Variants in MMP8 observed in about 807,000 individuals in gnomAD.
MMP8 encodes the protein neutrophil collagenase.
A neutral mutation model predicts 51.2 loss-of-function variants in MMP8; 67 were observed. The observed-to-expected ratio is 1.31, with a 90% confidence interval of 1.08 to 1.60. MMP8 has a LOEUF of 1.60. Ranked by LOEUF, MMP8 falls within the 40% of genes most tolerant of loss-of-function variation. The pLI, the probability that MMP8 is intolerant of heterozygous loss-of-function variation, is 0.00. For missense variants in MMP8, 654 were observed against 558.1 expected (o/e 1.17, Z -1.73); for synonymous variants, 225 against 191.0 (o/e 1.18, Z -1.47).
intron 8 of MMP8, 72 bp from the exon 9 acceptor site, chr11:102,713,929 T>A: frequency 9.5e-7 from 1 of 1,049,826 alleles, no homozygotes; most frequent in Non-Finnish European, 1.4e-6. Context: ...TTTTATTGTA[T>A]ATAATTTACA....
intron 8 of MMP8, among the ~76,000 whole-genome samples, chr11:102,714,241 A>C (rs1861213883): frequency 1.3e-5 from 2 of 152,228 alleles, no homozygotes; most frequent in African/African-American, 2.4e-5. Context: ...ATTTGCTTGC[A>C]TATGTCTGAG....
In MMP8 at chr11:102,722,553, T is replaced by C; in HGVS notation, c.223A>G (p.Thr75Ala). The C allele has an allele frequency of 6.2e-7, 1 of 1,613,970 alleles. No homozygotes were observed. The highest frequency in any genetic ancestry group is 8.5e-7 in the Non-Finnish European group (1 of 1,179,844). Reference protein sequence around the residue: ...EMQRFFGLNVTGKPNEETLDM... With the variant: ...EMQRFFGLNVAGKPNEETLDM... Reference sequence around the variant, plus strand: ...AGAGTTTCCTCATTTGGCTTCCCCGTCACATTCAACCCAAAAAATCGCTGC... The same window carrying C: ...AGAGTTTCCTCATTTGGCTTCCCCGCCACATTCAACCCAAAAAATCGCTGC... Residue 75 changes from threonine to alanine, a missense_variant, in exon 2 of 10, where the codon ACG (threonine) becomes GCG (alanine). Physicochemically the swap from Thr to Ala is moderately conservative, Grantham distance 58. Transcript: ENST00000236826.
chr11:102,721,399 A>G lies in MMP8; in HGVS notation c.622+2T>C. On this transcript the variant is annotated splice_donor_variant, in intron 4 of 9. Coordinates refer to ENST00000236826, the MANE Select transcript of MMP8 (RefSeq NM_002424.3). LOFTEE classifies it high-confidence loss of function. ...GTGTGGACATAATCTTGATTAACTT[A>G]CTTGCGGAGGTGTTGGTCCATGTTT... The G allele has an allele frequency of 6.2e-7, 1 of 1,613,538 alleles. No individual in the cohort carries two copies. Among genetic ancestry groups the G allele is most frequent in the East Asian group, 2.2e-5 (1 of 44,872 alleles).
At chr11:102,714,503 A>G in intron 8 of MMP8, 53 bp downstream of exon 8, 8 of 1,239,642 alleles carry the variant, frequency 6.5e-6, no homozygotes, top group Admixed American at 3.1e-5. Context: ...GTTTGTAAGC[A>G]GGGTAGAGAA....
chr11:102,717,859 C>A (rs529814843), intron 5 of MMP8, among the ~76,000 whole-genome samples: 1 of 152,168 alleles, frequency 6.6e-6, no homozygotes, highest in African/African-American at 2.4e-5. Flanking sequence ...GTAATCCCAG[C>A]ATTTTGGGAG....
chr11:102,714,505 G>A, intron 8 of MMP8, 51 bp downstream of exon 8: 3 of 1,264,866 alleles, frequency 2.4e-6, no homozygotes, highest in Non-Finnish European at 3.1e-6. Flanking sequence ...TTGTAAGCAG[G>A]GTAGAGAAAC....
At position 102,722,692 on chromosome 11, in the gene MMP8, A is replaced by G; in HGVS notation, c.103-19T>C. ...GGTAGTCCTGGACAAAGACAAGCAC[A>G]TAGGGGTCTTGCTGTGAAAGGACCT... On this transcript the variant is annotated intron_variant, in intron 1 of 9. Coordinates refer to ENST00000236826, the MANE Select transcript of MMP8 (RefSeq NM_002424.3). 6.2e-7 allele frequency: 1 copy of G among 1,611,552 alleles called. No homozygotes were observed. Among genetic ancestry groups the G allele is most frequent in the Non-Finnish European group, 8.5e-7 (1 of 1,178,176 alleles).
At position 102,718,870 on chromosome 11, in the gene MMP8, A is replaced by G. The variant is rs961522009; in HGVS notation, c.623-295T>C. On this transcript the variant is annotated intron_variant, in intron 4 of 9. Transcript: ENST00000236826. ...CAAATGTGCATCTGAGACTTGGAGA[A>G]GTAATGGCAGAGCCGTCATGACTTT... Among the ~76,000 whole-genome samples, 3 of 152,218 alleles carry G rather than the reference A, an allele frequency of 2.0e-5. No individual in the cohort carries two copies. The South Asian group carries it at 6.2e-4, about 31-fold the overall frequency.
intron 6 of MMP8, among the ~76,000 whole-genome samples, chr11:102,715,976 A>G (rs1004644711): frequency 1.3e-5 from 2 of 151,772 alleles, no homozygotes; most frequent in African/African-American, 2.4e-5. Flanking sequence ...GTCTGTTTAC[A>G]TCACCAAAGG....
chr11:102,720,810 A>G (rs919933323), intron 4 of MMP8, among the ~76,000 whole-genome samples: 1 of 152,104 alleles, frequency 6.6e-6, no homozygotes, highest in Non-Finnish European at 1.5e-5. Flanking sequence ...CTAATTATAG[A>G]AATTATAATT....
At position 102,713,305 on chromosome 11, in the gene MMP8, C is replaced by A. The variant is rs2134289970; in HGVS notation, c.*43G>T. On this transcript the variant is annotated 3_prime_UTR_variant, in exon 10 of 10. Coordinates refer to ENST00000236826, the MANE Select transcript of MMP8 (RefSeq NM_002424.3). ...TAACGAAAATGCTTGCTGAACTTCC[C>A]TTCAACATTCTGAAAGTGGATACAG... 7.2e-7 allele frequency: 1 copy of A among 1,380,650 alleles called. No homozygotes were observed. Among genetic ancestry groups the A allele is most frequent in the South Asian group, 1.2e-5 (1 of 85,968 alleles). 85.5% of individuals were successfully genotyped at this position (1,380,650 alleles called of 1,614,324 possible). A position where few individuals can be genotyped will look rare whatever the true frequency, so the allele number is the denominator to read the frequency against.
chr11:102,722,929 C>A (rs867831263), intron 1 of MMP8: 1 of 1,179,354 alleles, frequency 8.5e-7, no homozygotes, highest in Middle Eastern at 2.1e-4. Flanking sequence ...ATCACACAGG[C>A]AAAGTGCTAC....
At chr11:102,713,648 T>C (rs1023421339) in intron 9 of MMP8, 106 bp downstream of exon 9, 12 of 1,110,256 alleles carry the variant, frequency 1.1e-5, no homozygotes, top group Non-Finnish European at 1.6e-5. Context: ...GGAGGATTGC[T>C]TGAGGCCAGG....
At position 102,716,342 on chromosome 11, in the gene MMP8, T is replaced by G. The variant is rs780827251; in HGVS notation, c.862A>C (p.Ile288Leu). 1.2e-6 allele frequency: 2 copies of G among 1,604,954 alleles called. No individual in the cohort carries two copies. Among genetic ancestry groups the G allele is most frequent in the East Asian group, 4.5e-5 (2 of 44,502 alleles). ...PCDPSLTFDA[I>L]TTLRGEILFF... ...AGTATTTCTCCACGGAGTGTGGTGATAGCATCAAATGTCAAACTGGGGTCA... is the reference window on the plus strand; with the variant it reads ...AGTATTTCTCCACGGAGTGTGGTGAGAGCATCAAATGTCAAACTGGGGTCA... Residue 288 changes from isoleucine (I) to leucine (L), a missense_variant, in exon 6 of 10, where the codon ATC (isoleucine) becomes CTC (leucine). By Grantham distance (5) the Ile-to-Leu change is conservative (BLOSUM62 2). Coordinates refer to ENST00000236826, the MANE Select transcript of MMP8 (RefSeq NM_002424.3).
At chr11:102,718,637 T>C in intron 4 of MMP8, 62 bp from the exon 5 acceptor site, 1 of 1,592,392 alleles carries the variant, frequency 6.3e-7, no homozygotes, top group Non-Finnish European at 8.6e-7. Flanking sequence ...AGAAACATGA[T>C]CTCAAGGAAT....
At chr11:102,715,896 C>T (rs1382138041) in intron 6 of MMP8, among the ~76,000 whole-genome samples, 1 of 152,154 alleles carries the variant, frequency 6.6e-6, no homozygotes, top group Non-Finnish European at 1.5e-5. Flanking sequence ...ATTTACTTGA[C>T]TGATTTTGGA....
At position 102,714,720 on chromosome 11, in the gene MMP8, T is replaced by C; in HGVS notation, c.1037-11A>G. On this transcript the variant is annotated splice_polypyrimidine_tract_variant and intron_variant, in intron 7 of 9. Transcript: ENST00000236826. ...CCCAGTATTGGTTGCCTGTCAATGA[T>C]TCAGGTTAAGTGTTAAATACGACTT... is the stretch of plus-strand genomic sequence containing the variant. The C allele has an allele frequency of 6.8e-7, 1 of 1,469,058 alleles. No homozygotes were observed. The highest frequency in any genetic ancestry group is 9.0e-7 in the Non-Finnish European group (1 of 1,111,036). The allele number at this position is 1,469,058 out of a possible 1,614,324, so 91.0% of individuals were successfully genotyped here.
intron 4 of MMP8, among the ~76,000 whole-genome samples, chr11:102,719,672 T>C (rs1212937959): frequency 6.6e-6 from 1 of 152,236 alleles, no homozygotes; most frequent in Non-Finnish European, 1.5e-5. Context: ...AAGAATTGTT[T>C]CTTATCATCA....
At position 102,714,567 on chromosome 11, in the gene MMP8, G is replaced by A; in HGVS notation, c.1179C>T (p.Asp393=). ...ATAGTTTACGTTACCTCCAGAATTG[G>A]TCATTTACAAAGAAGTATGTTTTAC... is the stretch of plus-strand genomic sequence containing the variant. The part of the protein sequence containing the change: ...YRSKTYFFVN[D]QFWRYDNQRQ... The change falls in exon 8 of 10, where the codon GAC becomes GAT. Residue 393 remains aspartate, a synonymous_variant. Transcript: ENST00000236826. 1.4e-6 allele frequency: 2 copies of A among 1,469,614 alleles called. No homozygotes were observed. Among genetic ancestry groups the A allele is most frequent in the Non-Finnish European group, 9.0e-7 (1 of 1,107,174 alleles). The allele number at this position is 1,469,614 out of a possible 1,614,324, so 91.0% of individuals were successfully genotyped here.
Sources: gnomAD v4.1 joint callset for allele counts (sites outside exome capture counted in the v4.1 genomes callset) on GRCh38, gnomAD v4.1.1 for gene constraint, MANE v1.5 for transcripts, NCBI Gene and HGNC (gene_info 2026-07-23, HGNC 2026-07-21) for gene names.